The following GRM3 variants were observed in gnomAD, a reference collection of about 807,000 sequenced individuals.
GRM3 encodes metabotropic glutamate receptor 3.
A neutral mutation model predicts 70.5 loss-of-function variants in GRM3; 26 were observed. That is an observed-to-expected ratio of 0.37 (90% CI 0.27 to 0.51). The LOEUF (loss-of-function observed/expected upper bound fraction) is 0.51, where lower values mean the gene tolerates loss of function less well. GRM3 is among the 20% of genes least tolerant of loss of function. The pLI is 0.93. For missense variants in GRM3, 859 were observed against 1,123.8 expected, an observed-to-expected ratio of 0.76 and a Z score of 3.37; for synonymous variants, 443 against 434.9, an observed-to-expected ratio of 1.02 and a Z score of -0.23.
chr7:86,794,708 C>T (rs973490908), intron 3 of GRM3, among the ~76,000 whole-genome samples: 2 of 152,080 alleles, frequency 1.3e-5, no homozygotes, highest in Non-Finnish European at 2.9e-5. Context: ...ATGTTTCTTC[C>T]CTGAACCCCT....
chr7:86,848,405 G>A (rs961501411), intron 4 of GRM3, among the ~76,000 whole-genome samples: 4 of 152,120 alleles, frequency 2.6e-5, no homozygotes, highest in Non-Finnish European at 5.9e-5. Context: ...GTGGCTAGAT[G>A]ACTTTATGAT....
chr7:86,763,196 G>A (rs764728791), intron 1 of GRM3, among the ~76,000 whole-genome samples: 14 of 152,034 alleles, frequency 9.2e-5, no homozygotes, highest in Admixed American at 6.6e-5. Flanking sequence ...GGACCAGCTA[G>A]GAGGGCCCTT....
intron 1 of GRM3, among the ~76,000 whole-genome samples, chr7:86,665,325 T>C (rs917275511): frequency 2.0e-5 from 3 of 152,046 alleles, no homozygotes; most frequent in Non-Finnish European, 4.4e-5. Flanking sequence ...TACCTCACAA[T>C]GTTGCTCACA....
chr7:86,795,271 TTATTTTA>T (rs1797522299), intron 3 of GRM3, among the ~76,000 whole-genome samples: 1 of 145,948 alleles, frequency 6.9e-6, no homozygotes, highest in Non-Finnish European at 1.5e-5. Flanking sequence ...TTATTTTATT[TTATTTTA>T]TTTTATTTTA....
At chr7:86,715,833 A>T (rs920742275) in intron 1 of GRM3, among the ~76,000 whole-genome samples, 1 of 152,036 alleles carries the variant, frequency 6.6e-6, no homozygotes, top group Admixed American at 6.6e-5. Flanking sequence ...TCTATCTGTC[A>T]TCTTGCAATG....
chr7:86,683,762 T>C (rs1396648935), intron 1 of GRM3, among the ~76,000 whole-genome samples: 2 of 152,054 alleles, frequency 1.3e-5, no homozygotes, highest in Non-Finnish European at 2.9e-5. Context: ...TTAATCACAA[T>C]ATGAACTGGA....
At chr7:86,658,230 C>A (rs1275812605) in intron 1 of GRM3, among the ~76,000 whole-genome samples, 1 of 152,200 alleles carries the variant, frequency 6.6e-6, no homozygotes, top group African/African-American at 2.4e-5. Flanking sequence ...TTAAGAAATA[C>A]AAATCTAAGC....
intron 1 of GRM3, among the ~76,000 whole-genome samples, chr7:86,654,126 T>C (rs1184426114): frequency 6.6e-6 from 1 of 152,190 alleles, no homozygotes; most frequent in African/African-American, 2.4e-5. Flanking sequence ...GATAGTTTCC[T>C]AAGCAGCGTT....
At chr7:86,710,591 G>C (rs1239648497) in intron 1 of GRM3, among the ~76,000 whole-genome samples, 1 of 124,076 alleles carries the variant, frequency 8.1e-6, no homozygotes, top group Non-Finnish European at 1.7e-5. Context: ...GGGGGCGGGT[G>C]GTGGGGAGAG....
At chr7:86,789,030 G>T (rs1227809567) in intron 3 of GRM3, among the ~76,000 whole-genome samples, 1 of 152,138 alleles carries the variant, frequency 6.6e-6, no homozygotes, top group East Asian at 1.9e-4. Flanking sequence ...AAAGAAACAA[G>T]CCCATTATTT....
intron 3 of GRM3, among the ~76,000 whole-genome samples, chr7:86,819,309 T>C (rs1390305307): frequency 6.6e-6 from 1 of 152,138 alleles, no homozygotes; most frequent in Non-Finnish European, 1.5e-5. Flanking sequence ...TGCAAATTCC[T>C]TCCTTCTCAA....
intron 2 of GRM3, among the ~76,000 whole-genome samples, chr7:86,779,284 G>A (rs143256039): frequency 9.2e-5 from 14 of 152,158 alleles, no homozygotes; most frequent in African/African-American, 2.2e-4. Flanking sequence ...GTGTCATCTC[G>A]TTTTAATAAA....
At chr7:86,771,826 A>G (rs1378326353) in intron 2 of GRM3, among the ~76,000 whole-genome samples, 1 of 152,088 alleles carries the variant, frequency 6.6e-6, no homozygotes, top group Non-Finnish European at 1.5e-5. Context: ...AGATATACAT[A>G]AACAGAAAGC....
intron 1 of GRM3, among the ~76,000 whole-genome samples, chr7:86,689,359 C>T (rs1412995352): frequency 6.6e-6 from 1 of 151,844 alleles, no homozygotes; most frequent in Non-Finnish European, 1.5e-5. Flanking sequence ...CAATTAGTCC[C>T]ATTTTCAGAC....
At chr7:86,660,996 C>A (rs1793878075) in intron 1 of GRM3, among the ~76,000 whole-genome samples, 1 of 151,872 alleles carries the variant, frequency 6.6e-6, no homozygotes, top group Non-Finnish European at 1.5e-5. Flanking sequence ...AAAAATAATT[C>A]CTGTCCTCAA....
chr7:86,669,485 C>G (rs1222597727), intron 1 of GRM3, among the ~76,000 whole-genome samples: 1 of 152,174 alleles, frequency 6.6e-6, no homozygotes, highest in Admixed American at 6.5e-5. Flanking sequence ...TCACATTTTT[C>G]TACTCTTCAC....
chr7:86,767,514 CAT>C (rs3057233), intron 2 of GRM3, among the ~76,000 whole-genome samples: 3,778 of 98,196 alleles, frequency 0.038, 51 homozygotes, highest in East Asian at 0.07. Flanking sequence ...GGTCATACTT[CAT>C]ATATATATAT....
Position 86,765,274 on chromosome 7 carries a change from C to A in GRM3, c.129C>A (p.Gly43=). The A allele has an allele frequency of 6.2e-7, 1 of 1,613,706 alleles. No individual in the cohort carries two copies. ...IKIEGDLVLG[G]LFPINEKGTG... Reference sequence around the variant, plus strand: ...TAGAAGGTGACCTTGTTTTAGGGGGCCTGTTTCCTATTAACGAAAAAGGCA... The same window carrying A: ...TAGAAGGTGACCTTGTTTTAGGGGGACTGTTTCCTATTAACGAAAAAGGCA... Residue 43 remains glycine (G), a synonymous_variant, in exon 2 of 6, where the codon GGC becomes GGA. Coordinates refer to ENST00000361669, the MANE Select transcript of GRM3 (RefSeq NM_000840.3).
At chr7:86,711,394 A>G (rs1795196803) in intron 1 of GRM3, among the ~76,000 whole-genome samples, 1 of 152,038 alleles carries the variant, frequency 6.6e-6, no homozygotes, top group African/African-American at 2.4e-5. Context: ...TATTTTTGCA[A>G]AATATTTCCA....
Sources: gnomAD v4.1 joint callset for allele counts (sites outside exome capture counted in the v4.1 genomes callset) on GRCh38, gnomAD v4.1.1 for gene constraint, MANE v1.5 for transcripts, NCBI Gene and HGNC (gene_info 2026-07-23, HGNC 2026-07-21) for gene names.